Variants in ATP6V0A2 observed in about 807,000 individuals in gnomAD.
ATP6V0A2 encodes the protein V-type proton ATPase 116 kDa subunit a 2.
A neutral mutation model predicts 104.4 loss-of-function variants in ATP6V0A2; 58 were observed. The ratio of observed to expected loss-of-function variants is 0.56; its 90% CI spans 0.45 to 0.69. ATP6V0A2 has a LOEUF of 0.69. ATP6V0A2 is among the 30% of genes least tolerant of loss of function. The pLI is 0.00. For synonymous variants in ATP6V0A2, 376 were observed against 397.9 expected, an observed-to-expected ratio of 0.95 and a Z score of 0.65; for missense variants, 938 against 1,062.9, an observed-to-expected ratio of 0.88 and a Z score of 1.63.
In ATP6V0A2 at chr12:123,728,554, TC is replaced by T. The variant is rs1040487598; in HGVS notation, c.648+647del. ...CCAGGCCTGTCCTGTCTCTCTGATC[TC>T]CTTCATTCTGGGACAGTTTCTCAGA... is the stretch of plus-strand genomic sequence containing the variant. On this transcript the variant is annotated intron_variant, in intron 6 of 19. Coordinates refer to ENST00000330342, the MANE Select transcript of ATP6V0A2 (RefSeq NM_012463.4). Among the ~76,000 whole-genome samples, 3 of 82,586 alleles carry T rather than the reference TC, an allele frequency of 3.6e-5. No individual in the cohort carries two copies. The Admixed American group carries it at 4.6e-4, about 13-fold the overall frequency. The allele number at this position is 82,586 out of a possible 152,430, so 54.2% of individuals were successfully genotyped here.
intron 13 of ATP6V0A2, among the ~76,000 whole-genome samples, chr12:123,746,639 TAAAAAAAAAAAAA>T (rs760374381): frequency 2.4e-5 from 2 of 83,604 alleles, no homozygotes; most frequent in Admixed American, 2.8e-4. Flanking sequence ...CCCCTTACCT[TAAAAAAAAAAAAA>T]AAAAAAAAAA....
At chr12:123,739,261 C>T (rs2135904271) in intron 9 of ATP6V0A2, among the ~76,000 whole-genome samples, 1 of 152,350 alleles carries the variant, frequency 6.6e-6, no homozygotes, top group Admixed American at 6.5e-5. Flanking sequence ...CGTTTCCCGT[C>T]AAGGGTACTG....
chr12:123,730,400 C>T (rs796955014), intron 6 of ATP6V0A2, among the ~76,000 whole-genome samples: 29 of 152,184 alleles, frequency 1.9e-4, no homozygotes, highest in African/African-American at 6.7e-4. Flanking sequence ...CCACCCACCT[C>T]GGCCTCTCAA....
chr12:123,754,595 G>T (rs1231894647), intron 18 of ATP6V0A2, 58 bp downstream of exon 18: 1 of 1,197,084 alleles, frequency 8.4e-7, no homozygotes, highest in Non-Finnish European at 1.2e-6. Flanking sequence ...CAGACTCAGG[G>T]GGCACTGTGG....
Position 123,751,201 on chromosome 12 carries a change from A to G in ATP6V0A2, c.2027A>G (p.Asn676Ser), listed in dbSNP as rs760104669. ...GKPLFLLWLH[N>S]GRSCFGVNRS... ...CCACTGTTTTTGTTGTGGCTTCACA[A>G]TGGGCGTAGTTGCTTCGGGGTGAAC... Residue 676 changes from asparagine to serine, a missense_variant, in exon 16 of 20, where the codon AAT becomes AGT. Asn to Ser is a conservative substitution (Grantham distance 46). Transcript: ENST00000330342. The G allele has an allele frequency of 1.1e-5, 18 of 1,614,178 alleles. No homozygotes were observed. Among genetic ancestry groups the G allele is most frequent in the South Asian group, 3.3e-5 (3 of 91,088 alleles).
At position 123,718,682 on chromosome 12, in the gene ATP6V0A2, A is replaced by G. The variant is rs1956367944; in HGVS notation, c.177A>G (p.Glu59=). Residue 59 remains glutamate (E), a synonymous_variant, in exon 2 of 20, where the codon GAA becomes GAG. Transcript: ENST00000330342. The stretch of plus-strand genomic sequence containing the variant: ...TTGTTGGTGAGGTGAAGAGGTGTGA[A>G]GAGCTAGAGCGAATATTGGGTAAGT... ...RKFVGEVKRC[E]ELERILVYLV... is the part of the protein sequence containing the mutation. The G allele has an allele frequency of 1.9e-6, 3 of 1,611,690 alleles. No individual in the cohort carries two copies. The highest frequency in any genetic ancestry group is 3.3e-4 in the Middle Eastern group (2 of 6,056).
chr12:123,760,982 C>T lies in ATP6V0A2; in HGVS notation c.*2950C>T, dbSNP rs1956813222. 1 of 152,240 alleles carries T rather than the reference C, an allele frequency of 6.6e-6. No individual in the cohort carries two copies. The allele number at this position is 152,240 out of a possible 1,614,324, so 9.4% of individuals were successfully genotyped here. A position where few individuals can be genotyped will look rare whatever the true frequency, so the allele number is the denominator to read the frequency against. On this transcript the variant is annotated 3_prime_UTR_variant, in exon 20 of 20. Coordinates refer to ENST00000330342, the MANE Select transcript of ATP6V0A2 (RefSeq NM_012463.4). ...AGTGCAGTGGTGCAGTCTCGGCTCA[C>T]TGCAACCTCTGCCTCCTGGGTTTAA... is the stretch of plus-strand genomic sequence containing the variant.
chr12:123,747,532 G>A, intron 13 of ATP6V0A2, 75 bp from the exon 14 acceptor site: 1 of 971,794 alleles, frequency 1.0e-6, no homozygotes, highest in East Asian at 2.4e-5. Context: ...TTCAAGTTAA[G>A]ACAGGAACTT....
intron 1 of ATP6V0A2, among the ~76,000 whole-genome samples, chr12:123,715,388 A>G (rs2135874633): frequency 6.6e-6 from 1 of 152,324 alleles, no homozygotes; most frequent in East Asian, 1.9e-4. Context: ...AATGAATGAG[A>G]AGGTGACAAA....
chr12:123,744,324 A>G lies in ATP6V0A2; in HGVS notation c.1313A>G (p.Asn438Ser). ...TTAAATGAAAATCATCCCAGACTAA[A>G]TCAGTCACAAGAGGTAAAAATATAA... ...LVLNENHPRL[N>S]QSQEIMRMFF... Residue 438 changes from asparagine to serine, a missense_variant, in exon 11 of 20, where the codon AAT (asparagine) becomes AGT (serine). Transcript: ENST00000330342. The surrounding 1 kb of genome is among the most constrained non-coding windows in gnomAD (Gnocchi z 5.4). 1.2e-6 allele frequency: 2 copies of G among 1,614,190 alleles called. No individual in the cohort carries two copies. The highest frequency in any genetic ancestry group is 8.5e-7 in the Non-Finnish European group (1 of 1,180,044).
chr12:123,745,950 C>T (rs1048417577), intron 13 of ATP6V0A2, among the ~76,000 whole-genome samples: 14 of 152,294 alleles, frequency 9.2e-5, no homozygotes, highest in Non-Finnish European at 1.8e-4. Context: ...ATTCCTTAAC[C>T]TGGGCTCTCC....
intron 17 of ATP6V0A2, among the ~76,000 whole-genome samples, chr12:123,753,554 C>T (rs751628972): frequency 3.9e-5 from 6 of 152,260 alleles, no homozygotes; most frequent in African/African-American, 7.2e-5. Flanking sequence ...GGGCCCACCT[C>T]CTGACCTCAC....
At chr12:123,748,125 G>T (rs1348155285) in intron 14 of ATP6V0A2, among the ~76,000 whole-genome samples, 4 of 152,232 alleles carry the variant, frequency 2.6e-5, no homozygotes, top group African/African-American at 9.6e-5. Flanking sequence ...ATTAGAGCTA[G>T]TATATGAAGA....
In ATP6V0A2 at chr12:123,741,624, G is replaced by T. The variant is rs181807933; in HGVS notation, c.1039-2161G>T. ...CCTGGCTAATTTATTTATTTATTTA[G>T]TTAGTTATTTATATTTTTTTGTAGA... is the stretch of plus-strand genomic sequence containing the variant. On this transcript the variant is annotated intron_variant, in intron 9 of 19. Transcript: ENST00000330342. Among the ~76,000 whole-genome samples, 564 of 151,948 alleles carry T rather than the reference G, an allele frequency of 3.7e-3. 2 individuals are homozygous for T. Among genetic ancestry groups the T allele is most frequent in the African/African-American group, 0.012 (515 of 41,460 alleles).
intron 3 of ATP6V0A2, 145 bp downstream of exon 3, chr12:123,722,593 G>A: frequency 7.5e-6 from 5 of 670,456 alleles, no homozygotes; most frequent in South Asian, 1.6e-5. Context: ...ATTAAAGACC[G>A]CTATTATGAT....
intron 9 of ATP6V0A2, among the ~76,000 whole-genome samples, chr12:123,741,511 C>G (rs1956608741): frequency 6.6e-6 from 1 of 152,162 alleles, no homozygotes; most frequent in South Asian, 2.1e-4. Context: ...TCGTAGCTCA[C>G]TGCAATCTCA....
intron 18 of ATP6V0A2, among the ~76,000 whole-genome samples, chr12:123,755,764 C>G (rs1956757293): frequency 6.6e-6 from 1 of 151,398 alleles, no homozygotes; most frequent in African/African-American, 2.4e-5. Context: ...TTTCATTTCC[C>G]TATATTTTTT....
At chr12:123,714,595 AG>A (rs1457919149) in intron 1 of ATP6V0A2, among the ~76,000 whole-genome samples, 1 of 152,190 alleles carries the variant, frequency 6.6e-6, no homozygotes, top group East Asian at 1.9e-4. Context: ...CTTCAGCTGA[AG>A]TGGGAGTATC....
At chr12:123,756,754 T>C in intron 18 of ATP6V0A2, 61 bp from the exon 19 acceptor site, 3 of 1,572,194 alleles carry the variant, frequency 1.9e-6, no homozygotes, top group South Asian at 2.2e-5. Flanking sequence ...TCCAGGTAGC[T>C]CACAGAGGGA....
Sources: allele counts gnomAD v4.1 joint callset (sites outside exome capture counted in the v4.1 genomes callset), GRCh38; gene constraint gnomAD v4.1.1; non-coding constraint Gnocchi (gnomAD v3.1); transcripts MANE v1.5; gene names NCBI Gene and HGNC (gene_info 2026-07-23, HGNC 2026-07-21).